DLGAP1: variants seen among roughly 807,000 people sequenced by gnomAD.
DLGAP1 encodes the protein disks large-associated protein 1.
DLGAP1 carries 11 observed loss-of-function variants against 90.8 expected under a neutral mutation model. The observed-to-expected ratio is 0.12, with a 90% CI of 0.08 to 0.20. The LOEUF (loss-of-function observed/expected upper bound fraction) is 0.20. DLGAP1 is among the 10% of genes least tolerant of loss of function. The pLI, the probability that DLGAP1 is intolerant of heterozygous loss-of-function variation, is 1.00. For synonymous variants in DLGAP1, 558 were observed against 540.7 expected, an observed-to-expected ratio of 1.03 and a Z score of -0.44; for missense variants, 1,050 against 1,333.8, an observed-to-expected ratio of 0.79 and a Z score of 3.31.
At chr18:3,576,045 T>A (rs537435065) in intron 8 of DLGAP1, among the ~76,000 whole-genome samples, 179 of 152,222 alleles carry the variant, frequency 1.2e-3, no homozygotes, top group Non-Finnish European at 2.2e-3. Flanking sequence ...ATTTGCTTAC[T>A]GTCTAGCAGC....
At chr18:4,198,073 A>G (rs1049026824) in intron 1 of DLGAP1, among the ~76,000 whole-genome samples, 1 of 151,842 alleles carries the variant, frequency 6.6e-6, no homozygotes, top group Non-Finnish European at 1.5e-5. Context: ...AATACAAAAA[A>G]TCAGCCGGGG....
intron 1 of DLGAP1, among the ~76,000 whole-genome samples, chr18:4,402,831 T>G (rs1010799480): frequency 4.6e-5 from 7 of 152,176 alleles, no homozygotes; most frequent in Admixed American, 3.9e-4. Context: ...AAAATTTCCC[T>G]GTCTCCCAAA....
rs572267898 is a variant in DLGAP1 at position 3,858,752 on chromosome 18, GC to G, written c.957+20359del. Among the ~76,000 whole-genome samples the G allele has an allele frequency of 1.1e-4, 17 of 152,148 alleles. No homozygotes were observed. In the East Asian group the frequency reaches 3.3e-3, roughly 29 times the overall value. The stretch of plus-strand genomic sequence containing the variant: ...ATCTAATAAACTAAAAAATTGTCTG[GC>G]ATGAGATTCTTCTGCTCTAAAAAGC... On this transcript the variant is annotated intron_variant, in intron 4 of 12. Transcript: ENST00000315677.
At chr18:4,010,791 T>C (rs975355527) in intron 2 of DLGAP1, among the ~76,000 whole-genome samples, 2 of 152,070 alleles carry the variant, frequency 1.3e-5, no homozygotes, top group African/African-American at 4.8e-5. Context: ...CTTATTCTCA[T>C]TAATGAATTA....
At chr18:4,255,073 C>T (rs1433132665) in intron 1 of DLGAP1, among the ~76,000 whole-genome samples, 1 of 152,098 alleles carries the variant, frequency 6.6e-6, no homozygotes. Flanking sequence ...AGTGCTGGGG[C>T]ACAGCAGGAA....
chr18:3,700,099 C>T (rs923535419), intron 7 of DLGAP1, among the ~76,000 whole-genome samples: 3 of 152,158 alleles, frequency 2.0e-5, no homozygotes, highest in African/African-American at 7.2e-5. Flanking sequence ...CCACTTGGCT[C>T]CCTGGCTTCA....
intron 3 of DLGAP1, among the ~76,000 whole-genome samples, chr18:4,003,235 G>T (rs917808815): frequency 4.6e-5 from 7 of 152,122 alleles, no homozygotes; most frequent in Admixed American, 4.6e-4. Context: ...GGTTGTAGTT[G>T]GATCCTCTGC....
intron 1 of DLGAP1, among the ~76,000 whole-genome samples, chr18:4,268,885 T>A (rs2079191905): frequency 6.6e-6 from 1 of 152,092 alleles, no homozygotes; most frequent in Non-Finnish European, 1.5e-5. Context: ...AATACAGAGA[T>A]CAGTAAAGAA....
chr18:4,172,792 A>G (rs1365442941), intron 1 of DLGAP1, among the ~76,000 whole-genome samples: 1 of 152,256 alleles, frequency 6.6e-6, no homozygotes, highest in Non-Finnish European at 1.5e-5. Flanking sequence ...AAAGTCAGAC[A>G]TGACATTTTT....
chr18:4,394,242 T>C (rs1278366639), intron 1 of DLGAP1, among the ~76,000 whole-genome samples: 3 of 152,232 alleles, frequency 2.0e-5, no homozygotes, highest in Non-Finnish European at 4.4e-5. Flanking sequence ...ATTCATTTAC[T>C]AGATGACACG....
intron 1 of DLGAP1, among the ~76,000 whole-genome samples, chr18:4,155,704 T>C (rs906862465): frequency 2.0e-5 from 3 of 152,158 alleles, no homozygotes; most frequent in African/African-American, 7.2e-5. Flanking sequence ...ATTTGTAACA[T>C]TAAACATGGT....
At chr18:4,425,313 C>T (rs145290806) in intron 1 of DLGAP1, among the ~76,000 whole-genome samples, 4 of 129,210 alleles carry the variant, frequency 3.1e-5, no homozygotes, top group Non-Finnish European at 5.4e-5. Flanking sequence ...AAGTTGGATA[C>T]TGGTGACTAA....
chr18:3,558,786 A>G (rs2053906244), intron 9 of DLGAP1, among the ~76,000 whole-genome samples: 1 of 152,154 alleles, frequency 6.6e-6, no homozygotes, highest in Non-Finnish European at 1.5e-5. Flanking sequence ...CTTGTAGACA[A>G]CATATAGTTA....
chr18:4,034,138 T>A (rs1326866575), intron 2 of DLGAP1, among the ~76,000 whole-genome samples: 2 of 144,888 alleles, frequency 1.4e-5, no homozygotes, highest in Non-Finnish European at 3.0e-5. Flanking sequence ...GCCTCCTGGG[T>A]TCAAGCGATT....
chr18:3,733,011 G>A (rs2062501383), intron 6 of DLGAP1, among the ~76,000 whole-genome samples: 1 of 151,854 alleles, frequency 6.6e-6, no homozygotes, highest in Non-Finnish European at 1.5e-5. Context: ...TAAGAATCTT[G>A]GTTCTCAAGG....
intron 4 of DLGAP1, among the ~76,000 whole-genome samples, chr18:3,819,812 A>G (rs936115405): frequency 1.3e-5 from 2 of 152,208 alleles, no homozygotes; most frequent in Non-Finnish European, 2.9e-5. Context: ...TTGGGTAACA[A>G]TTGTTATTTT....
Position 4,084,381 on chromosome 18 carries a change from A to G in DLGAP1, c.-159+66799T>C, listed in dbSNP as rs2075653249. Among the ~76,000 whole-genome samples, 1 of 152,222 alleles carries G rather than the reference A, an allele frequency of 6.6e-6. No individual in the cohort carries two copies. Among genetic ancestry groups the G allele is most frequent in the South Asian group, 2.1e-4 (1 of 4,828 alleles). ...TTAAAAATTTAGATTTGTTTTCGACAGGGCTCAGAACAAGGGCCAGATAAT... is the reference window on the plus strand; with the variant it reads ...TTAAAAATTTAGATTTGTTTTCGACGGGGCTCAGAACAAGGGCCAGATAAT... On this transcript the variant is annotated intron_variant, in intron 2 of 12. Transcript: ENST00000315677. This position sits in a 1 kb window ranked among gnomAD's most constrained non-coding sequence, Gnocchi z 4.0.
chr18:4,105,419 T>C (rs915099181), intron 2 of DLGAP1, among the ~76,000 whole-genome samples: 1 of 152,224 alleles, frequency 6.6e-6, no homozygotes, highest in African/African-American at 2.4e-5. Flanking sequence ...AAAAGTCTTT[T>C]ATTTCAGAGG....
rs376610608 is a variant in DLGAP1 at position 4,158,698 on chromosome 18, C to A, written c.-266-7411G>T. On this transcript the variant is annotated intron_variant, in intron 1 of 12. Transcript: ENST00000315677. ...TTAATCCTTCTCAGAAGTCCCCCAG[C>A]TCTTAATTTAATTTGATTTCTAATT... Among the ~76,000 whole-genome samples, 8 of 152,262 alleles carry A rather than the reference C, an allele frequency of 5.3e-5. 1 individual carries two copies. The highest frequency in any genetic ancestry group is 1.9e-4 in the African/African-American group (8 of 41,532).
Sources: allele counts gnomAD v4.1 joint callset (sites outside exome capture counted in the v4.1 genomes callset), GRCh38; gene constraint gnomAD v4.1.1; non-coding constraint Gnocchi (gnomAD v3.1); transcripts MANE v1.5; gene names NCBI Gene and HGNC (gene_info 2026-07-23, HGNC 2026-07-21).